The following MINDY3 variants were observed in gnomAD, a reference collection of about 807,000 sequenced individuals.
MINDY3 encodes MINDY lysine 48 deubiquitinase 3.
A neutral mutation model predicts 69.2 loss-of-function variants in MINDY3; 38 were observed. The observed-to-expected ratio is 0.55, with a 90% CI of 0.42 to 0.72. The LOEUF is 0.72. MINDY3 is among the 30% of genes least tolerant of loss of function. MINDY3 has a pLI of 0.00. For synonymous variants in MINDY3, 192 were observed against 180.1 expected, an observed-to-expected ratio of 1.07 and a Z score of -0.53; for missense variants, 522 against 519.0, an observed-to-expected ratio of 1.01 and a Z score of -0.06.
intron 8 of MINDY3, among the ~76,000 whole-genome samples, chr10:15,823,073 CTG>C (rs1839876867): frequency 6.6e-6 from 1 of 151,728 alleles, no homozygotes; most frequent in African/African-American, 2.4e-5. Context: ...AATATTAACT[CTG>C]TTATTTTTGT....
intron 9 of MINDY3, among the ~76,000 whole-genome samples, chr10:15,820,115 T>A (rs1392391425): frequency 6.6e-6 from 1 of 152,164 alleles, no homozygotes; most frequent in Non-Finnish European, 1.5e-5. Flanking sequence ...GTGTCATTAA[T>A]TATTCCTATT....
chr10:15,850,663 A>G (rs185955324), intron 1 of MINDY3, among the ~76,000 whole-genome samples: 46 of 152,264 alleles, frequency 3.0e-4, no homozygotes, highest in Admixed American at 1.2e-3. Context: ...TCCTGATAAG[A>G]TGTTATCAAT....
At position 15,779,063 on chromosome 10, in the gene MINDY3, G is replaced by A. The variant is rs374280221; in HGVS notation, c.1267C>T (p.Arg423Cys). 39 of 1,613,400 alleles carry A rather than the reference G, an allele frequency of 2.4e-5. No homozygotes were observed. Among genetic ancestry groups the A allele is most frequent in the South Asian group, 1.9e-4 (17 of 91,062 alleles). Residue 423 changes from arginine (R) to cysteine (C), a missense_variant, in exon 15 of 15, where the codon CGC (arginine) becomes TGC (cysteine). Arg to Cys is a radical substitution (Grantham distance 180). Transcript: ENST00000277632. ...TATGGCCATTTGGTTTGCAGACAGCGTTTAATAGGAGTGTCATCTGTCTGT... is the reference window on the plus strand; with the variant it reads ...TATGGCCATTTGGTTTGCAGACAGCATTTAATAGGAGTGTCATCTGTCTGT... ...MLQTDDTPIK[R>C]CLQTKWPYIE...
At chr10:15,799,879 G>A (rs1054688985) in intron 10 of MINDY3, among the ~76,000 whole-genome samples, 2 of 152,142 alleles carry the variant, frequency 1.3e-5, no homozygotes, top group Non-Finnish European at 2.9e-5. Context: ...AGCTAACTGC[G>A]AGCTTCTCGT....
At chr10:15,848,080 G>C in intron 1 of MINDY3, 137 bp from the exon 2 acceptor site, 1 of 685,464 alleles carries the variant, frequency 1.5e-6, no homozygotes, top group Non-Finnish European at 2.5e-6. Context: ...TGTGGATCAA[G>C]GAACCTTTTG....
chr10:15,789,897 T>C (rs7909265), intron 11 of MINDY3, among the ~76,000 whole-genome samples: 2,271 of 152,194 alleles, frequency 0.015, 45 homozygotes, highest in African/African-American at 0.049. Context: ...TGATGACTAC[T>C]TTATGGAAAA....
intron 2 of MINDY3, among the ~76,000 whole-genome samples, chr10:15,845,813 A>ATTTTT (rs891710697): frequency 1.4e-4 from 7 of 49,334 alleles, no homozygotes; most frequent in South Asian, 7.5e-4. Flanking sequence ...GGCCTATGTG[A>ATTTTT]TTTTTTTTTT....
chr10:15,798,423 T>TTAAAG (rs1414654994), intron 10 of MINDY3, among the ~76,000 whole-genome samples: 5 of 151,946 alleles, frequency 3.3e-5, no homozygotes, highest in African/African-American at 7.2e-5. Context: ...TAAAAAGAAT[T>TTAAAG]TAAAGTAAAC....
chr10:15,818,366 T>C (rs1300646726), intron 9 of MINDY3, among the ~76,000 whole-genome samples: 6 of 151,282 alleles, frequency 4.0e-5, no homozygotes, highest in African/African-American at 1.5e-4. Context: ...AATAAATGAA[T>C]GCTAAACTCA....
intron 11 of MINDY3, among the ~76,000 whole-genome samples, chr10:15,790,582 G>A (rs954688264): frequency 6.6e-6 from 1 of 152,110 alleles, no homozygotes; most frequent in African/African-American, 2.4e-5. Flanking sequence ...ATGTGAAACA[G>A]GCTTTATGTG....
intron 9 of MINDY3, among the ~76,000 whole-genome samples, chr10:15,818,329 AC>A (rs377568694): frequency 0.015 from 2,224 of 151,772 alleles, 43 homozygotes; most frequent in African/African-American, 0.048. Flanking sequence ...AAAAAAAAAA[AC>A]AAACAAACAA....
At chr10:15,789,407 A>G (rs1294607383) in intron 11 of MINDY3, 88 bp from the exon 12 acceptor site, 4 of 996,312 alleles carry the variant, frequency 4.0e-6, no homozygotes, top group South Asian at 1.4e-5. Context: ...GGAAAAAAAA[A>G]TCGCATAAAA....
intron 11 of MINDY3, among the ~76,000 whole-genome samples, chr10:15,789,858 C>A (rs1310070393): frequency 6.6e-6 from 1 of 151,898 alleles, no homozygotes; most frequent in Non-Finnish European, 1.5e-5. Flanking sequence ...AAAAAACAGC[C>A]CTGAAATGAA....
chr10:15,855,217 A>G (rs1834604464), intron 1 of MINDY3, among the ~76,000 whole-genome samples: 1 of 152,102 alleles, frequency 6.6e-6, no homozygotes, highest in South Asian at 2.1e-4. Flanking sequence ...TCCAGTATAC[A>G]TGTTTGAGTG....
At chr10:15,787,360 G>C (rs1020013556) in intron 12 of MINDY3, among the ~76,000 whole-genome samples, 1 of 152,094 alleles carries the variant, frequency 6.6e-6, no homozygotes, top group Non-Finnish European at 1.5e-5. Context: ...GCAGTTTAAT[G>C]GGTTTAAAAA....
intron 2 of MINDY3, among the ~76,000 whole-genome samples, chr10:15,846,710 A>G (rs1833869602): frequency 1.3e-5 from 2 of 150,300 alleles, no homozygotes; most frequent in African/African-American, 5.0e-5. Flanking sequence ...TTTGTAGCCA[A>G]CAGTTTAGGA....
intron 10 of MINDY3, among the ~76,000 whole-genome samples, chr10:15,799,252 T>G (rs558088008): frequency 2.0e-5 from 3 of 152,202 alleles, no homozygotes; most frequent in African/African-American, 7.2e-5. Context: ...CAGGCTGGAG[T>G]GCAGTGGTGT....
At chr10:15,840,220 A>G (rs986697349) in intron 4 of MINDY3, among the ~76,000 whole-genome samples, 1 of 151,716 alleles carries the variant, frequency 6.6e-6, no homozygotes, top group Non-Finnish European at 1.5e-5. Context: ...CCTGGAGAAT[A>G]TGTTAAAACC....
chr10:15,836,219 C>T (rs1031416567), intron 6 of MINDY3, among the ~76,000 whole-genome samples: 2 of 152,004 alleles, frequency 1.3e-5, no homozygotes, highest in East Asian at 1.9e-4. Context: ...CACTTTTATA[C>T]TTGCAGTGCC....
Sources: allele counts gnomAD v4.1 joint callset (sites outside exome capture counted in the v4.1 genomes callset), GRCh38; gene constraint gnomAD v4.1.1; transcripts MANE v1.5; gene names NCBI Gene and HGNC (gene_info 2026-07-23, HGNC 2026-07-21).